The following PCCA variants were observed in gnomAD, a reference collection of about 807,000 sequenced individuals.
PCCA encodes the protein propionyl-CoA carboxylase subunit alpha, also known as propionyl-CoA carboxylase alpha chain, mitochondrial.
Under a neutral mutation model 101.3 loss-of-function variants are expected in PCCA, and 74 were observed. That is an observed-to-expected ratio of 0.73 (90% CI 0.61 to 0.89). The LOEUF is 0.89. PCCA is among the 40% of genes least tolerant of loss of function. The probability of loss-of-function intolerance (pLI) is 0.00; values close to 1 mark genes in which losing one functional copy is unlikely to be tolerated. For synonymous variants in PCCA, 294 were observed against 313.6 expected, an observed-to-expected ratio of 0.94 and a Z score of 0.66; for missense variants, 891 against 907.0, an observed-to-expected ratio of 0.98 and a Z score of 0.23.
intron 19 of PCCA, among the ~76,000 whole-genome samples, chr13:100,389,255 G>C (rs1053476760): frequency 6.6e-6 from 1 of 152,296 alleles, no homozygotes; most frequent in South Asian, 2.1e-4. Context: ...AGGAGGTTTG[G>C]GGGAGGGTAG....
intron 18 of PCCA, among the ~76,000 whole-genome samples, chr13:100,367,819 G>A (rs918398153): frequency 1.3e-5 from 2 of 151,648 alleles, no homozygotes; most frequent in African/African-American, 4.8e-5. Context: ...TTAGCCGCGT[G>A]TGGTGGTGGG....
At chr13:100,388,521 C>T (rs755703798) in intron 19 of PCCA, among the ~76,000 whole-genome samples, 34 of 152,008 alleles carry the variant, frequency 2.2e-4, no homozygotes, top group Non-Finnish European at 3.2e-4. Context: ...TAAGACCAGG[C>T]GCAATGGCTC....
At chr13:100,103,935 C>T (rs992854060) in intron 2 of PCCA, among the ~76,000 whole-genome samples, 1 of 152,130 alleles carries the variant, frequency 6.6e-6, no homozygotes, top group African/African-American at 2.4e-5. Context: ...TGTGCCCGGC[C>T]TATATGATTC....
rs1057095731 is a variant in PCCA, at chr13:100,092,820, G to A, written c.105+3595G>A. 5.2e-4 allele frequency among the ~76,000 whole-genome samples: 79 copies of A among 152,304 alleles called. 1 individual carries two copies. Among genetic ancestry groups the A allele is most frequent in the African/African-American group, 1.5e-3 (64 of 41,560 alleles). The stretch of plus-strand genomic sequence containing the variant: ...TATATGAATGCTTTAGAATTGCCTG[G>A]AGGTTAATGTTTCCAACATGCTGAT... On this transcript the variant is annotated intron_variant, in intron 1 of 23. Coordinates refer to ENST00000376285, the MANE Select transcript of PCCA (RefSeq NM_000282.4).
chr13:100,429,412 T>A (rs1203550556), intron 20 of PCCA, among the ~76,000 whole-genome samples: 2 of 152,102 alleles, frequency 1.3e-5, no homozygotes, highest in African/African-American at 4.8e-5. Context: ...CAGTAATCAC[T>A]TGAAATTGAT....
chr13:100,224,350 G>A (rs1426808149), intron 7 of PCCA, among the ~76,000 whole-genome samples: 2 of 152,226 alleles, frequency 1.3e-5, no homozygotes, highest in African/African-American at 4.8e-5. Flanking sequence ...CCGAGTGCGG[G>A]GCCTGCCAAG....
At position 100,449,358 on chromosome 13, in the gene PCCA, A is replaced by T. The variant is rs565835529; in HGVS notation, c.1899+53A>T. On this transcript the variant is annotated intron_variant, in intron 21 of 23. Transcript: ENST00000376285. ...TTAATTTACAGAGAAAAAATGTTCA[A>T]CTAGTTGTAGCTCATGTGTTTGAAC... The T allele has an allele frequency of 5.5e-4, 595 of 1,083,842 alleles. 2 individuals are homozygous for T. The African/African-American group carries it at 8.5e-3, about 15-fold the overall frequency. The allele number at this position is 1,083,842 out of a possible 1,614,324, so 67.1% of individuals were successfully genotyped here. A position where few individuals can be genotyped will look rare whatever the true frequency, so the allele number is the denominator to read the frequency against.
rs2760311 is a variant in PCCA at position 100,436,316 on chromosome 13, T to C, written c.1845+10585T>C. The stretch of plus-strand genomic sequence containing the variant: ...TTGCAAAGTTATACTCTTATGCAAA[T>C]GAAGACTTGGCTGGCAATCAGTCTG... On this transcript the variant is annotated intron_variant, in intron 20 of 23. Coordinates refer to ENST00000376285, the MANE Select transcript of PCCA (RefSeq NM_000282.4). Among the ~76,000 whole-genome samples the C allele has an allele frequency of 0.37, 56,080 of 152,128 alleles. 11,175 individuals are homozygous for C. Among genetic ancestry groups the C allele is most frequent in the East Asian group, 0.67 (3,447 of 5,172 alleles).
chr13:100,279,196 A>G (rs1365960109), intron 12 of PCCA, among the ~76,000 whole-genome samples: 3 of 152,240 alleles, frequency 2.0e-5, no homozygotes, highest in Non-Finnish European at 4.4e-5. Context: ...CTATTTTAAT[A>G]GCATTCTATG....
intron 21 of PCCA, among the ~76,000 whole-genome samples, chr13:100,460,194 A>G (rs1287851324): frequency 1.3e-5 from 2 of 152,246 alleles, no homozygotes; most frequent in East Asian, 3.8e-4. Flanking sequence ...TGTACATCAG[A>G]TAGTGTAAGC....
chr13:100,502,337 A>C (rs2085745110), intron 21 of PCCA, among the ~76,000 whole-genome samples: 1 of 152,144 alleles, frequency 6.6e-6, no homozygotes. Flanking sequence ...GTCCCTGCTG[A>C]ACGGGCACCC....
At chr13:100,332,540 A>G (rs928931994) in intron 17 of PCCA, among the ~76,000 whole-genome samples, 10 of 152,200 alleles carry the variant, frequency 6.6e-5, no homozygotes, top group Middle Eastern at 3.2e-3. Flanking sequence ...ACACATTTAT[A>G]TATAAGTTTG....
At chr13:100,516,025 T>C (rs2086809815) in intron 22 of PCCA, among the ~76,000 whole-genome samples, 1 of 152,244 alleles carries the variant, frequency 6.6e-6, no homozygotes, top group Non-Finnish European at 1.5e-5. Flanking sequence ...ACCAGAGCAC[T>C]TCCATTACTT....
At chr13:100,337,556 T>G (rs2070692003) in intron 17 of PCCA, among the ~76,000 whole-genome samples, 1 of 152,228 alleles carries the variant, frequency 6.6e-6, no homozygotes, top group Admixed American at 6.5e-5. Context: ...ATACAGAGCC[T>G]GTTGGAACTG....
intron 21 of PCCA, among the ~76,000 whole-genome samples, chr13:100,457,739 C>T (rs1435114020): frequency 1.3e-5 from 2 of 152,320 alleles, no homozygotes; most frequent in East Asian, 3.9e-4. Flanking sequence ...CAGTGTCTTG[C>T]TCACAAGAAG....
At chr13:100,181,770 CTTTTTTTTTTTTT>C in intron 6 of PCCA, among the ~76,000 whole-genome samples, 1 of 130,508 alleles carries the variant, frequency 7.7e-6, no homozygotes, top group Middle Eastern at 4.1e-3. Flanking sequence ...TTCTTTTTTT[CTTTTTTTTTTTTT>C]GAGATGGAAT....
intron 18 of PCCA, among the ~76,000 whole-genome samples, chr13:100,348,095 G>T (rs951737720): frequency 4.6e-5 from 7 of 152,124 alleles, no homozygotes; most frequent in Non-Finnish European, 1.0e-4. Context: ...ATCGGCTTGG[G>T]AATGGATTCT....
In PCCA at chr13:100,226,451, C is replaced by T. The variant is rs866182184; in HGVS notation, c.601-9391C>T. 5.3e-5 allele frequency among the ~76,000 whole-genome samples: 8 copies of T among 152,252 alleles called. No homozygotes were observed. In the South Asian group the frequency reaches 6.2e-4, roughly 12 times the overall value. On this transcript the variant is annotated intron_variant, in intron 7 of 23. Coordinates refer to ENST00000376285, the MANE Select transcript of PCCA (RefSeq NM_000282.4). ...TAGCAAGTGAGAAGGATGTCTGAAT[C>T]ATGAATGGTGGTCGGCGTTGACACT... is the stretch of plus-strand genomic sequence containing the variant.
intron 6 of PCCA, among the ~76,000 whole-genome samples, chr13:100,192,950 C>T (rs935303954): frequency 1.3e-5 from 2 of 152,140 alleles, no homozygotes; most frequent in Non-Finnish European, 2.9e-5. Context: ...GTTTGTTCTA[C>T]TAGACTATAA....
Sources: gnomAD v4.1 joint callset for allele counts (sites outside exome capture counted in the v4.1 genomes callset) on GRCh38, gnomAD v4.1.1 for gene constraint, MANE v1.5 for transcripts, NCBI Gene and HGNC (gene_info 2026-07-23, HGNC 2026-07-21) for gene names.